NAPEPLD: variants seen among roughly 807,000 people sequenced by gnomAD.
The protein encoded by NAPEPLD is N-acyl-phosphatidylethanolamine-hydrolyzing phospholipase D.
Under a neutral mutation model 38.1 loss-of-function variants are expected in NAPEPLD, and 23 were observed. The ratio of observed to expected loss-of-function variants is 0.60; its 90% confidence interval spans 0.43 to 0.86. The LOEUF (loss-of-function observed/expected upper bound fraction) is 0.86, where lower values mean the gene tolerates loss of function less well. Among genes scored for constraint, NAPEPLD ranks in the 40% least tolerant of loss-of-function variants. The pLI, the probability that NAPEPLD is intolerant of heterozygous loss-of-function variation, is 0.00. For synonymous variants in NAPEPLD, 147 were observed against 162.0 expected, an observed-to-expected ratio of 0.91 and a Z score of 0.71; for missense variants, 411 against 476.8, an observed-to-expected ratio of 0.86 and a Z score of 1.28.
At chr7:103,146,384 G>A (rs1353766230) in intron 1 of NAPEPLD, among the ~76,000 whole-genome samples, 1 of 151,884 alleles carries the variant, frequency 6.6e-6, no homozygotes, top group Non-Finnish European at 1.5e-5. Flanking sequence ...AAGAGTGCTA[G>A]TGACAATGAG....
chr7:103,105,089 C>T (rs1803039168), intron 4 of NAPEPLD, among the ~76,000 whole-genome samples: 1 of 152,166 alleles, frequency 6.6e-6, no homozygotes, highest in Non-Finnish European at 1.5e-5. Context: ...TCTTCACAGA[C>T]CAATTCTTCG....
chr7:103,105,289 G>A (rs1449258168), intron 4 of NAPEPLD, among the ~76,000 whole-genome samples: 1 of 152,110 alleles, frequency 6.6e-6, no homozygotes, highest in African/African-American at 2.4e-5. Context: ...AAAAGCAGAA[G>A]ACTCCGAGCA....
intron 2 of NAPEPLD, among the ~76,000 whole-genome samples, chr7:103,125,763 C>G (rs2129529768): frequency 6.6e-6 from 1 of 151,982 alleles, no homozygotes; most frequent in Admixed American, 6.6e-5. Flanking sequence ...GGCAGGCGCC[C>G]ATGGTCCCAG....
chr7:103,105,508 C>G (rs763359011), intron 4 of NAPEPLD, among the ~76,000 whole-genome samples: 1 of 152,204 alleles, frequency 6.6e-6, no homozygotes, highest in African/African-American at 2.4e-5. Flanking sequence ...GTAGGAAATG[C>G]ACTCATCATT....
chr7:103,107,096 A>C (rs1803523850), intron 4 of NAPEPLD, among the ~76,000 whole-genome samples: 1 of 152,200 alleles, frequency 6.6e-6, no homozygotes, highest in African/African-American at 2.4e-5. Context: ...TCCGATGTTG[A>C]TACCCAGGCA....
intron 4 of NAPEPLD, among the ~76,000 whole-genome samples, chr7:103,109,729 A>G (rs1382638107): frequency 1.3e-5 from 2 of 152,152 alleles, no homozygotes. Context: ...GCAGAAGACA[A>G]GAAATAACTA....
At chr7:103,136,587 C>CAA (rs10708983) in intron 1 of NAPEPLD, among the ~76,000 whole-genome samples, 10 of 96,158 alleles carry the variant, frequency 1.0e-4, no homozygotes, top group South Asian at 3.4e-4. Flanking sequence ...CTCTGTCTCA[C>CAA]AAAAAAAAAA....
intron 1 of NAPEPLD, among the ~76,000 whole-genome samples, chr7:103,142,458 T>C (rs1380668520): frequency 1.3e-5 from 2 of 151,780 alleles, no homozygotes; most frequent in African/African-American, 2.4e-5. Context: ...ATACAAAAAA[T>C]AGCCAGGCAT....
At chr7:103,115,342 A>G in intron 3 of NAPEPLD, 168 bp from the exon 4 acceptor site, 1 of 518,324 alleles carries the variant, frequency 1.9e-6, no homozygotes, top group Non-Finnish European at 3.4e-6. Flanking sequence ...GCTAGAAACC[A>G]AGTCTGAAGG....
At chr7:103,140,759 A>G (rs1811126450) in intron 1 of NAPEPLD, among the ~76,000 whole-genome samples, 1 of 152,096 alleles carries the variant, frequency 6.6e-6, no homozygotes, top group African/African-American at 2.4e-5. Context: ...TTAGCTCAGA[A>G]GACTCATTGA....
intron 3 of NAPEPLD, among the ~76,000 whole-genome samples, chr7:103,117,937 C>T (rs1409455653): frequency 6.6e-6 from 1 of 152,174 alleles, no homozygotes; most frequent in Non-Finnish European, 1.5e-5. Flanking sequence ...AATCCTACCA[C>T]GTTGGGAGGC....
chr7:103,137,144 G>A (rs767584379), intron 1 of NAPEPLD, among the ~76,000 whole-genome samples: 8 of 152,146 alleles, frequency 5.3e-5, no homozygotes, highest in Non-Finnish European at 1.2e-4. Context: ...TCACCATGTT[G>A]GCCAGGCTGG....
At chr7:103,136,409 TAAAA>T (rs10611860) in intron 1 of NAPEPLD, among the ~76,000 whole-genome samples, 4 of 142,034 alleles carry the variant, frequency 2.8e-5, no homozygotes, top group Non-Finnish European at 1.5e-5. Flanking sequence ...CTGTCTCTAC[TAAAA>T]AAAAAAAAAA....
At position 103,102,463 on chromosome 7, in the gene NAPEPLD, G is replaced by C. The variant is rs1315246163; in HGVS notation, c.*966C>G. 3 of 151,978 alleles carry C rather than the reference G, an allele frequency of 2.0e-5. No individual in the cohort carries two copies. Among genetic ancestry groups the C allele is most frequent in the African/African-American group, 7.3e-5 (3 of 41,304 alleles). 9.4% of individuals were successfully genotyped at this position (151,978 alleles called of 1,614,324 possible). Reference sequence around the variant, plus strand: ...TGATCCTCCCACCTCAGCCTCCCAAGTACCTGTGACTACAGGTACACACCA... The same window carrying C: ...TGATCCTCCCACCTCAGCCTCCCAACTACCTGTGACTACAGGTACACACCA... On this transcript the variant is annotated 3_prime_UTR_variant, in exon 5 of 5. Transcript: ENST00000465647.
intron 2 of NAPEPLD, among the ~76,000 whole-genome samples, chr7:103,125,909 A>C (rs2129529802): frequency 6.7e-6 from 1 of 148,940 alleles, no homozygotes; most frequent in Admixed American, 6.7e-5. Context: ...TAATAATAAT[A>C]ATAATAATAA....
rs566139321 is a variant in NAPEPLD, at chr7:103,102,635, C to A, written c.*794G>T. The A allele has an allele frequency of 2.0e-5, 3 of 151,894 alleles. No homozygotes were observed. The highest frequency in any genetic ancestry group is 2.9e-5 in the Non-Finnish European group (2 of 68,004). The allele number at this position is 151,894 out of a possible 1,614,324, so 9.4% of individuals were successfully genotyped here. ...TAAGAGGTCTTTTGGGAATTGTAGA[C>A]GTGCAATAGAATATACTGTTCCCTC... On this transcript the variant is annotated 3_prime_UTR_variant, in exon 5 of 5. Transcript: ENST00000465647.
chr7:103,103,457 T>C lies in NAPEPLD; in HGVS notation c.1154A>G (p.Tyr385Cys). The stretch of plus-strand genomic sequence containing the variant: ...AAAGTTTTCATCATCATTATTTAGG[T>C]ATCTTGATTCTCCATGCTTCAAGAC... ...FFVLKHGESR[Y>C]LNNDDENF Residue 385 changes from tyrosine to cysteine, a missense_variant, in exon 5 of 5, where the codon TAC becomes TGC. Coordinates refer to ENST00000465647, the MANE Select transcript of NAPEPLD (RefSeq NM_001122838.3). The C allele has an allele frequency of 6.3e-7, 1 of 1,584,176 alleles. No homozygotes were observed. The highest frequency in any genetic ancestry group is 2.3e-4 in the Middle Eastern group (1 of 4,412).
intron 4 of NAPEPLD, among the ~76,000 whole-genome samples, chr7:103,109,936 A>C (rs973136974): frequency 5.3e-5 from 8 of 152,200 alleles, no homozygotes; most frequent in Non-Finnish European, 1.2e-4. Flanking sequence ...GAATACTATC[A>C]ACACCTCTAC....
At position 103,103,386 on chromosome 7, in the gene NAPEPLD, T is replaced by C. The variant is rs750914564; in HGVS notation, c.*43A>G. On this transcript the variant is annotated 3_prime_UTR_variant, in exon 5 of 5. Transcript: ENST00000465647. ...AAGTCTTTTCATTTGTTTTTAAACT[T>C]AGATGATGCCTTTTTCATTAAAAGT... 1.1e-5 allele frequency: 16 copies of C among 1,522,422 alleles called. No individual in the cohort carries two copies. Among genetic ancestry groups the C allele is most frequent in the Non-Finnish European group, 1.4e-5 (16 of 1,137,346 alleles). The allele number at this position is 1,522,422 out of a possible 1,614,324, so 94.3% of individuals were successfully genotyped here. A position where few individuals can be genotyped will look rare whatever the true frequency, so the allele number is the denominator to read the frequency against.
Sources: allele counts gnomAD v4.1 joint callset (sites outside exome capture counted in the v4.1 genomes callset), GRCh38; gene constraint gnomAD v4.1.1; transcripts MANE v1.5; gene names NCBI Gene and HGNC (gene_info 2026-07-23, HGNC 2026-07-21).